CUEDC1: variants seen among roughly 807,000 people sequenced by gnomAD.
CUEDC1 encodes CUE domain containing 1, also known as CUE domain-containing protein 1.
Under a neutral mutation model 43.7 loss-of-function variants are expected in CUEDC1, and 30 were observed. The observed-to-expected ratio is 0.69, with a 90% confidence interval of 0.51 to 0.93. The LOEUF (loss-of-function observed/expected upper bound fraction) is 0.93. Among genes scored for constraint, CUEDC1 ranks in the 40% least tolerant of loss-of-function variants. The pLI is 0.00. For synonymous variants in CUEDC1, 223 were observed against 223.6 expected (o/e 1.00, Z 0.02); for missense variants, 486 against 549.0 (o/e 0.89, Z 1.15).
intron 1 of CUEDC1, among the ~76,000 whole-genome samples, chr17:57,902,037 G>A (rs1420676862): frequency 6.6e-6 from 1 of 152,054 alleles, no homozygotes; most frequent in African/African-American, 2.4e-5. Context: ...AGCCAGGCGT[G>A]GTGGCAGGTG....
intron 1 of CUEDC1, among the ~76,000 whole-genome samples, chr17:57,891,135 C>G (rs1214949880): frequency 1.3e-5 from 2 of 152,150 alleles, no homozygotes; most frequent in African/African-American, 4.8e-5. Context: ...GTGCTCCAAC[C>G]TCTCATGGGC....
intron 1 of CUEDC1, among the ~76,000 whole-genome samples, chr17:57,887,034 G>C (rs2074299600): frequency 6.6e-6 from 1 of 151,926 alleles, no homozygotes; most frequent in South Asian, 2.1e-4. Context: ...TGTTAGCCAG[G>C]ATGGTCTCGA....
Position 57,955,263 on chromosome 17 carries a change from G to GGGGCCGGGCCGC in CUEDC1, c.-366_-355dup, listed in dbSNP as rs1315082823. 6.8e-6 allele frequency: 1 copy of GGGGCCGGGCCGC among 146,442 alleles called. No individual in the cohort carries two copies. The highest frequency in any genetic ancestry group is 2.5e-5 in the African/African-American group (1 of 40,646). 9.1% of individuals were successfully genotyped at this position (146,442 alleles called of 1,614,324 possible). ...GCGCGTCCGCTCCGCGCGGGCCGCA[G>GGGGCCGGGCCGC]GGGCCGGGCCGCGGGCCGGGCGGGG... On this transcript the variant is annotated 5_prime_UTR_variant, in exon 1 of 11. Coordinates refer to ENST00000577830, the MANE Select transcript of CUEDC1 (RefSeq NM_001271875.2). The surrounding 1 kb of genome is among the most constrained non-coding windows in gnomAD (Gnocchi z 5.3).
chr17:57,885,506 G>T lies in CUEDC1; in HGVS notation c.59C>A (p.Ala20Glu), dbSNP rs970474651. Residue 20 changes from alanine to glutamate, a missense_variant, in exon 2 of 11, where the codon GCA becomes GAA. Physicochemically the swap from Ala to Glu is moderately radical, Grantham distance 107. Transcript: ENST00000577830. Reference sequence around the variant, plus strand: ...GGCCGTGCCTCCCCCGCCCCCGCGTGCCCCGGCGGTGCCACCCCCGCCGCT... The same window carrying T: ...GGCCGTGCCTCCCCCGCCCCCGCGTTCCCCGGCGGTGCCACCCCCGCCGCT... ...SGSGGGGTAG[A>E]RGGGGGTAAP... 1 of 1,457,282 alleles carries T rather than the reference G, an allele frequency of 6.9e-7. No homozygotes were observed. The highest frequency in any genetic ancestry group is 2.7e-5 in the Admixed American group (1 of 37,006). The allele number at this position is 1,457,282 out of a possible 1,614,324, so 90.3% of individuals were successfully genotyped here.
intron 2 of CUEDC1, 25 bp from the exon 3 acceptor site, chr17:57,879,763 A>G (rs778213443): frequency 3.6e-5 from 57 of 1,587,142 alleles, no homozygotes; most frequent in Non-Finnish European, 4.5e-5. Context: ...ACAGAGAAAG[A>G]AATATTAATC....
chr17:57,949,516 T>A, intron 1 of CUEDC1, among the ~76,000 whole-genome samples: 1 of 42,702 alleles, frequency 2.3e-5, no homozygotes, highest in East Asian at 5.3e-4. Context: ...AGCTCCACCC[T>A]CCCCCACCAC....
intron 10 of CUEDC1, among the ~76,000 whole-genome samples, chr17:57,863,916 G>C (rs1211547072): frequency 6.7e-6 from 1 of 149,760 alleles, no homozygotes; most frequent in Non-Finnish European, 1.5e-5. Flanking sequence ...CAGGAGAATG[G>C]CTTGAACTTG....
At position 57,879,685 on chromosome 17, in the gene CUEDC1, C is replaced by T; in HGVS notation, c.390G>A (p.Val130=). ...GCATGTGGTAGGCTGGCGGGGAGTA[C>T]ACAGGTGGGGGCTCTTCATCCGAGC... ...PDSSDEEPPP[V]YSPPAYHMHV... is the part of the protein sequence containing the mutation. The change falls in exon 3 of 11, where the codon GTG becomes GTA. Residue 130 remains valine, a synonymous_variant. Transcript: ENST00000577830. 1 of 1,603,148 alleles carries T rather than the reference C, an allele frequency of 6.2e-7. No homozygotes were observed. The highest frequency in any genetic ancestry group is 8.5e-7 in the Non-Finnish European group (1 of 1,176,108).
intron 1 of CUEDC1, among the ~76,000 whole-genome samples, chr17:57,901,582 G>A (rs1447950360): frequency 6.6e-6 from 1 of 152,202 alleles, no homozygotes; most frequent in Non-Finnish European, 1.5e-5. Flanking sequence ...TCAAACAAAG[G>A]CACTGCCAAA....
At chr17:57,912,993 T>A (rs934489922) in intron 1 of CUEDC1, among the ~76,000 whole-genome samples, 3 of 152,070 alleles carry the variant, frequency 2.0e-5, no homozygotes, top group Admixed American at 2.0e-4. Context: ...TACAGGCTCA[T>A]ACCAGGACCA....
At chr17:57,902,370 T>G in intron 1 of CUEDC1, among the ~76,000 whole-genome samples, 1 of 152,194 alleles carries the variant, frequency 6.6e-6, no homozygotes, top group Admixed American at 6.5e-5. Flanking sequence ...GCTTGAACAC[T>G]GCTTGCTGGT....
intron 6 of CUEDC1, among the ~76,000 whole-genome samples, chr17:57,870,667 G>T (rs1347394310): frequency 5.4e-5 from 8 of 147,880 alleles, no homozygotes; most frequent in African/African-American, 2.0e-4. Flanking sequence ...GGCATTTTGG[G>T]GTCCTTTTCT....
chr17:57,918,203 C>T (rs546342092), intron 1 of CUEDC1, among the ~76,000 whole-genome samples: 1 of 152,344 alleles, frequency 6.6e-6, no homozygotes, highest in South Asian at 2.1e-4. Flanking sequence ...TGTGCAAAAC[C>T]CTCAGGGAAC....
chr17:57,908,156 A>C (rs1308685649), intron 1 of CUEDC1, among the ~76,000 whole-genome samples: 1 of 152,068 alleles, frequency 6.6e-6, no homozygotes, highest in Non-Finnish European at 1.5e-5. Flanking sequence ...TCCCAGGTTC[A>C]AGTGATTCTT....
chr17:57,885,749 G>A lies in CUEDC1; in HGVS notation c.-185C>T. 2.0e-6 allele frequency: 2 copies of A among 999,824 alleles called. No individual in the cohort carries two copies. Among genetic ancestry groups the A allele is most frequent in the Non-Finnish European group, 2.6e-6 (2 of 769,420 alleles). The allele number at this position is 999,824 out of a possible 1,614,324, so 61.9% of individuals were successfully genotyped here. A position where few individuals can be genotyped will look rare whatever the true frequency, so the allele number is the denominator to read the frequency against. On this transcript the variant is annotated 5_prime_UTR_variant, in exon 2 of 11. Transcript: ENST00000577830. ...TCCGGGTTAGGAGAGTACGGGCGCG[G>A]GGCCCCAGGCAGCCCTTGGAGAGCG...
At chr17:57,925,939 G>T (rs1476979654) in intron 1 of CUEDC1, among the ~76,000 whole-genome samples, 1 of 152,212 alleles carries the variant, frequency 6.6e-6, no homozygotes, top group Non-Finnish European at 1.5e-5. Context: ...AGGTGGCAAG[G>T]GTGGTCTGGC....
intron 6 of CUEDC1, 144 bp downstream of exon 6, chr17:57,871,141 GC>G: frequency 1.5e-6 from 1 of 674,448 alleles, no homozygotes; most frequent in South Asian, 1.7e-5. Flanking sequence ...GGCAGAAGCA[GC>G]CCCGCCAGCC....
chr17:57,880,937 T>C (rs1247456675), intron 2 of CUEDC1, among the ~76,000 whole-genome samples: 1 of 152,012 alleles, frequency 6.6e-6, no homozygotes, highest in Non-Finnish European at 1.5e-5. Context: ...TCTGTTCCCA[T>C]CTCCTCCAAG....
intron 1 of CUEDC1, among the ~76,000 whole-genome samples, chr17:57,912,007 A>C (rs1598004270): frequency 6.6e-6 from 1 of 152,378 alleles, no homozygotes; most frequent in Non-Finnish European, 1.5e-5. Flanking sequence ...ACTGTATGTC[A>C]GGATGCGCAA....
Sources: allele counts gnomAD v4.1 joint callset (sites outside exome capture counted in the v4.1 genomes callset), GRCh38; gene constraint gnomAD v4.1.1; non-coding constraint Gnocchi (gnomAD v3.1); transcripts MANE v1.5; gene names NCBI Gene and HGNC (gene_info 2026-07-23, HGNC 2026-07-21).